Variants in TMEM8B observed in about 807,000 individuals in gnomAD.
TMEM8B encodes the protein nasopharyngeal carcinoma expressed 6.
Under a neutral mutation model 49.3 loss-of-function variants are expected in TMEM8B, and 29 were observed. The ratio of observed to expected loss-of-function variants is 0.59; its 90% CI spans 0.44 to 0.80. The LOEUF is 0.80. TMEM8B is among the 30% of genes least tolerant of loss of function. The probability of loss-of-function intolerance (pLI) is 0.00; values close to 1 mark genes in which losing one functional copy is unlikely to be tolerated. For synonymous variants in TMEM8B, 264 were observed against 272.8 expected, an observed-to-expected ratio of 0.97 and a Z score of 0.32; for missense variants, 575 against 658.5, an observed-to-expected ratio of 0.87 and a Z score of 1.39.
chr9:35,845,677 A>G, intron 6 of TMEM8B: 6 of 985,460 alleles, frequency 6.1e-6, no homozygotes, highest in Non-Finnish European at 7.2e-6. Context: ...GATAGGACTG[A>G]AAAAGAGGGT....
At chr9:35,852,767 G>T in intron 10 of TMEM8B, 60 bp from the exon 11 acceptor site, 1 of 1,607,334 alleles carries the variant, frequency 6.2e-7, no homozygotes, top group Non-Finnish European at 8.5e-7. Flanking sequence ...CACCCCTCCG[G>T]TTTTGTAGAT....
intron 3 of TMEM8B, among the ~76,000 whole-genome samples, chr9:35,838,724 A>C (rs1384982713): frequency 6.6e-6 from 1 of 152,188 alleles, no homozygotes; most frequent in African/African-American, 2.4e-5. Flanking sequence ...CTCCCAGTCC[A>C]TGCTTCTTTC....
rs1228146391 is a variant in TMEM8B at position 35,856,749 on chromosome 9, A to G, written c.*2909A>G. 1 of 152,242 alleles carries G rather than the reference A, an allele frequency of 6.6e-6. No homozygotes were observed. Among genetic ancestry groups the G allele is most frequent in the East Asian group, 1.9e-4 (1 of 5,200 alleles). 9.4% of individuals were successfully genotyped at this position (152,242 alleles called of 1,614,324 possible). The stretch of plus-strand genomic sequence containing the variant: ...GATTGGGTGTGTGGGGTGGTGAGGT[A>G]TGAGAGAGCCTAGGATGATGGTGAT... On this transcript the variant is annotated 3_prime_UTR_variant, in exon 13 of 13. Transcript: ENST00000643932.
At position 35,854,411 on chromosome 9, in the gene TMEM8B, G is replaced by C. The variant is rs1832418416; in HGVS notation, c.*571G>C. ...TACAGGTGGAGTCTGTGTGTCTCCA[G>C]TGATTGATTGGTTCAGAATGGTTCT... On this transcript the variant is annotated 3_prime_UTR_variant, in exon 13 of 13. Coordinates refer to ENST00000643932, the MANE Select transcript of TMEM8B (RefSeq NM_001042590.4). 6.5e-6 allele frequency: 1 copy of C among 152,934 alleles called. No individual in the cohort carries two copies. The highest frequency in any genetic ancestry group is 1.5e-5 in the Non-Finnish European group (1 of 68,288). The allele number at this position is 152,934 out of a possible 1,614,324, so 9.5% of individuals were successfully genotyped here.
In TMEM8B at chr9:35,862,682, T is replaced by C. The variant is rs1461536728; in HGVS notation, c.*8842T>C. ...CTTGGGCAGTTTCTTCAGGCTGGAG[T>C]GCCTTTCTTTTCTACTCATCCTTCA... On this transcript the variant is annotated 3_prime_UTR_variant, in exon 13 of 13. Coordinates refer to ENST00000643932, the MANE Select transcript of TMEM8B (RefSeq NM_001042590.4). The C allele has an allele frequency of 6.6e-6, 1 of 152,178 alleles. No individual in the cohort carries two copies. The highest frequency in any genetic ancestry group is 1.5e-5 in the Non-Finnish European group (1 of 68,076). The allele number at this position is 152,178 out of a possible 1,614,324, so 9.4% of individuals were successfully genotyped here. A position where few individuals can be genotyped will look rare whatever the true frequency, so the allele number is the denominator to read the frequency against.
At position 35,842,280 on chromosome 9, in the gene TMEM8B, T is replaced by G; in HGVS notation, c.1310-112T>G. 1 of 795,294 alleles carries G rather than the reference T, an allele frequency of 1.3e-6. No individual in the cohort carries two copies. Among genetic ancestry groups the G allele is most frequent in the Admixed American group, 3.3e-5 (1 of 29,992 alleles). The allele number at this position is 795,294 out of a possible 1,614,324, so 49.3% of individuals were successfully genotyped here. A position where few individuals can be genotyped will look rare whatever the true frequency, so the allele number is the denominator to read the frequency against. Reference sequence around the variant, plus strand: ...ACTCCCAAGGGACATCGCATTCTAGTTCTCATCCTTCCCCACTCTTTGCGA... The same window carrying G: ...ACTCCCAAGGGACATCGCATTCTAGGTCTCATCCTTCCCCACTCTTTGCGA... On this transcript the variant is annotated intron_variant, in intron 5 of 12. Transcript: ENST00000643932. The surrounding 1 kb of genome is among the most constrained non-coding windows in gnomAD (Gnocchi z 5.6).
intron 10 of TMEM8B, among the ~76,000 whole-genome samples, chr9:35,849,750 C>T (rs138599934): frequency 2.6e-4 from 39 of 152,300 alleles, no homozygotes; most frequent in African/African-American, 8.7e-4. Context: ...TAGTAGTTCT[C>T]ACCAAATTCT....
Position 35,846,087 on chromosome 9 carries a change from G to A in TMEM8B, c.1729+19G>A. The A allele has an allele frequency of 1.2e-6, 2 of 1,613,584 alleles. No individual in the cohort carries two copies. The highest frequency in any genetic ancestry group is 1.7e-6 in the Non-Finnish European group (2 of 1,179,894). On this transcript the variant is annotated intron_variant, in intron 7 of 12. Coordinates refer to ENST00000643932, the MANE Select transcript of TMEM8B (RefSeq NM_001042590.4). ...TCCAAAGGTGAGGTGAGGAATGGGG[G>A]AGGAGAGGAAGCTGCAGTGTGGGGG...
In TMEM8B at chr9:35,846,802, C is replaced by T. The variant is rs1397274685; in HGVS notation, c.1997-15C>T. The T allele has an allele frequency of 6.2e-7, 1 of 1,607,628 alleles. No homozygotes were observed. The highest frequency in any genetic ancestry group is 8.5e-7 in the Non-Finnish European group (1 of 1,176,928). On this transcript the variant is annotated splice_polypyrimidine_tract_variant and intron_variant, in intron 9 of 12. Coordinates refer to ENST00000643932, the MANE Select transcript of TMEM8B (RefSeq NM_001042590.4). ...CCGTCTGTTCTCTTCCATTCTGTGCCTTCCCCACCCGCAGGGTGGAGAGGC... is the reference window on the plus strand; with the variant it reads ...CCGTCTGTTCTCTTCCATTCTGTGCTTTCCCCACCCGCAGGGTGGAGAGGC...
intron 10 of TMEM8B, among the ~76,000 whole-genome samples, chr9:35,849,520 A>G (rs1831945936): frequency 6.6e-6 from 1 of 152,206 alleles, no homozygotes; most frequent in Non-Finnish European, 1.5e-5. Flanking sequence ...TATTCTTGTC[A>G]TCCTTTTTTT....
chr9:35,831,807 C>T (rs371537304), intron 1 of TMEM8B, among the ~76,000 whole-genome samples: 2 of 152,200 alleles, frequency 1.3e-5, no homozygotes, highest in Non-Finnish European at 2.9e-5. Flanking sequence ...TACCAATACA[C>T]CCAAATGGAG....
intron 3 of TMEM8B, among the ~76,000 whole-genome samples, chr9:35,836,347 C>T (rs1830444669): frequency 6.6e-6 from 1 of 152,222 alleles, no homozygotes; most frequent in South Asian, 2.1e-4. Context: ...CCTTGACTCT[C>T]ATCAGAACTG....
Position 35,845,857 on chromosome 9 carries a change from C to G in TMEM8B, c.1636-118C>G, listed in dbSNP as rs896265487. 6 of 1,580,796 alleles carry G rather than the reference C, an allele frequency of 3.8e-6. No individual in the cohort carries two copies. In the African/African-American group the frequency reaches 8.1e-5, roughly 21 times the overall value. ...GAGAGAGCAGCTTTGGCGTGGAGAG[C>G]GCCGGGAGGAATGGGCTGTCCTTGG... is the stretch of plus-strand genomic sequence containing the variant. On this transcript the variant is annotated intron_variant, in intron 6 of 12. Transcript: ENST00000643932.
chr9:35,861,750 G>T lies in TMEM8B; in HGVS notation c.*7910G>T, dbSNP rs1178903400. 1 of 152,268 alleles carries T rather than the reference G, an allele frequency of 6.6e-6. No individual in the cohort carries two copies. Among genetic ancestry groups the T allele is most frequent in the South Asian group, 2.1e-4 (1 of 4,836 alleles). The allele number at this position is 152,268 out of a possible 1,614,324, so 9.4% of individuals were successfully genotyped here. On this transcript the variant is annotated 3_prime_UTR_variant, in exon 13 of 13. Coordinates refer to ENST00000643932, the MANE Select transcript of TMEM8B (RefSeq NM_001042590.4). ...ACCTGAAGGTGCTGCCCCGGGGGGT[G>T]CAATGACCTGTTACTGAGGCTGGAT...
intron 3 of TMEM8B, among the ~76,000 whole-genome samples, chr9:35,837,287 G>T (rs10758327): frequency 0.35 from 53,343 of 151,724 alleles, 10,075 homozygotes; most frequent in Middle Eastern, 0.52. Flanking sequence ...GTTGTGTGCT[G>T]GGGACACAGA....
Position 35,865,324 on chromosome 9 carries a change from C to G in TMEM8B, c.*11484C>G, listed in dbSNP as rs374592994. The G allele has an allele frequency of 6.6e-6, 1 of 152,106 alleles. No individual in the cohort carries two copies. The highest frequency in any genetic ancestry group is 2.4e-5 in the African/African-American group (1 of 41,382). The allele number at this position is 152,106 out of a possible 1,614,324, so 9.4% of individuals were successfully genotyped here. A position where few individuals can be genotyped will look rare whatever the true frequency, so the allele number is the denominator to read the frequency against. On this transcript the variant is annotated 3_prime_UTR_variant, in exon 13 of 13. Transcript: ENST00000643932. ...AATTGCTTTGTAAGGTGGGAGACAC[C>G]GAGTACAGGCGAGGGACTTTATTAG...
chr9:35,845,730 G>T (rs1264305716), intron 6 of TMEM8B: 3 of 985,354 alleles, frequency 3.0e-6, no homozygotes, highest in Admixed American at 6.1e-5. Context: ...TCTGCCCAAA[G>T]AACAGATTCA....
intron 10 of TMEM8B, among the ~76,000 whole-genome samples, chr9:35,849,220 A>C (rs770553278): frequency 2.6e-5 from 4 of 152,182 alleles, no homozygotes; most frequent in Admixed American, 6.5e-5. Flanking sequence ...AGGAGATAAC[A>C]GTCCTCTTCC....
chr9:35,846,345 T>C lies in TMEM8B; in HGVS notation c.1817T>C (p.Phe606Ser). 2 of 1,614,038 alleles carry C rather than the reference T, an allele frequency of 1.2e-6. No individual in the cohort carries two copies. Among genetic ancestry groups the C allele is most frequent in the Non-Finnish European group, 1.7e-6 (2 of 1,180,016 alleles). The change falls in exon 8 of 13, where the codon TTC becomes TCC. Residue 606 changes from phenylalanine to serine, a missense_variant. Transcript: ENST00000643932. ...CCATTCCCGCAGACGGGGACCTGGT[T>C]CCTGGCCCTCCGCTCCCTGTGCGGG... The part of the protein sequence containing the change: ...RIPFPQTGTW[F>S]LALRSLCGVG...
Sources: gnomAD v4.1 joint callset for allele counts (sites outside exome capture counted in the v4.1 genomes callset) on GRCh38, gnomAD v4.1.1 for gene constraint, Gnocchi (gnomAD v3.1) non-coding constraint, MANE v1.5 for transcripts, NCBI Gene and HGNC (gene_info 2026-07-23, HGNC 2026-07-21) for gene names.